The following MASP1 variants were observed in gnomAD, a reference collection of about 807,000 sequenced individuals.
The protein encoded by MASP1 is mannan-binding lectin serine protease 1.
A neutral mutation model predicts 77.1 loss-of-function variants in MASP1; 59 were observed. The observed-to-expected ratio is 0.77, with a 90% confidence interval of 0.62 to 0.95. MASP1 has a LOEUF of 0.95. MASP1 is among the 40% of genes least tolerant of loss of function. The pLI is 0.00. For missense variants in MASP1, 885 were observed against 912.9 expected (o/e 0.97, Z 0.39); for synonymous variants, 362 against 354.5 (o/e 1.02, Z -0.24).
At chr3:187,220,375 C>T in intron 15 of MASP1, 2 of 904,180 alleles carry the variant, frequency 2.2e-6, no homozygotes, top group South Asian at 1.6e-5. Context: ...CATAGCAGAC[C>T]GTTGGACCCA....
At chr3:187,282,358 A>G (rs765176361) in intron 2 of MASP1, among the ~76,000 whole-genome samples, 5 of 151,970 alleles carry the variant, frequency 3.3e-5, no homozygotes, top group Non-Finnish European at 5.9e-5. Context: ...TTAGTCAGGC[A>G]TGGTGGCATG....
chr3:187,270,823 T>C lies in MASP1; in HGVS notation c.238-8103A>G, dbSNP rs146055700. 4.3e-3 allele frequency among the ~76,000 whole-genome samples: 660 copies of C among 152,290 alleles called. 6 individuals carry two copies. Among genetic ancestry groups the C allele is most frequent in the African/African-American group, 0.015 (634 of 41,550 alleles). The stretch of plus-strand genomic sequence containing the variant: ...TCTAGACCAATTCACTGGCATTCAC[T>C]ATCAGCTACCAGATGAGAAACTAAG... On this transcript the variant is annotated intron_variant, in intron 2 of 10. Coordinates refer to ENST00000296280, the MANE Select transcript of MASP1 (RefSeq NM_139125.4).
At chr3:187,246,983 T>C (rs1347545224) in intron 8 of MASP1, 4 of 1,202,290 alleles carry the variant, frequency 3.3e-6, no homozygotes, top group Non-Finnish European at 4.2e-6. Flanking sequence ...CTGGTCAGCC[T>C]GAGGCCACAT....
Position 187,234,319 on chromosome 3 carries a change from GGA to G in MASP1, c.*1363_*1364del. On this transcript the variant is annotated 3_prime_UTR_variant, in exon 11 of 11. Transcript: ENST00000296280. ...TGCCTTGCTCTGATGGAGATTTTCAGGAGAGAGAGCTCCAGGGAGAAGGAGAA... is the reference window on the plus strand; with the variant it reads ...TGCCTTGCTCTGATGGAGATTTTCAGGAGAGAGCTCCAGGGAGAAGGAGAA... 1.6e-6 allele frequency: 2 copies of G among 1,287,216 alleles called. No homozygotes were observed. The highest frequency in any genetic ancestry group is 2.5e-5 in the South Asian group (2 of 80,930). The allele number at this position is 1,287,216 out of a possible 1,614,324, so 79.7% of individuals were successfully genotyped here. A position where few individuals can be genotyped will look rare whatever the true frequency, so the allele number is the denominator to read the frequency against.
In MASP1 at chr3:187,235,628, CG is replaced by C. The variant is rs1713087166; in HGVS notation, c.*55del. The C allele has an allele frequency of 6.2e-7, 1 of 1,608,610 alleles. No individual in the cohort carries two copies. Among genetic ancestry groups the C allele is most frequent in the African/African-American group, 1.3e-5 (1 of 75,018 alleles). On this transcript the variant is annotated 3_prime_UTR_variant, in exon 11 of 11. Coordinates refer to ENST00000296280, the MANE Select transcript of MASP1 (RefSeq NM_139125.4). ...TGATAAGTAATGTGGAGTGTGCTGT[CG>C]GAAGTGCGGTGTAGCTTCGCTCAGG...
intron 8 of MASP1, chr3:187,246,419 T>C: frequency 1.0e-6 from 1 of 985,446 alleles, no homozygotes; most frequent in Non-Finnish European, 1.2e-6. Flanking sequence ...CATCTCTTCT[T>C]TGGGTGGTGT....
intron 1 of MASP1, among the ~76,000 whole-genome samples, chr3:187,288,529 C>T (rs1373978639): frequency 1.3e-5 from 2 of 152,174 alleles, no homozygotes; most frequent in Non-Finnish European, 2.9e-5. Flanking sequence ...TAACGACTTC[C>T]CACAGCACTG....
chr3:187,235,915 G>A lies in MASP1; in HGVS notation c.1956C>T (p.Tyr652=), dbSNP rs1321550022. 2 of 1,614,238 alleles carry A rather than the reference G, an allele frequency of 1.2e-6. No homozygotes were observed. The highest frequency in any genetic ancestry group is 2.2e-5 in the East Asian group (1 of 44,888). Residue 652 remains tyrosine, a synonymous_variant, in exon 11 of 11, where the codon TAC becomes TAT. Transcript: ENST00000296280. ...SVTENMFCAG[Y]YEGGKDTCLG... is the part of the protein sequence containing the mutation. The stretch of plus-strand genomic sequence containing the variant: ...GGCACGTGTCTTTGCCGCCCTCGTA[G>A]TAGCCAGCACAGAACATGTTCTCCG...
chr3:187,274,965 G>T (rs1716843072), intron 2 of MASP1, among the ~76,000 whole-genome samples: 1 of 152,038 alleles, frequency 6.6e-6, no homozygotes, highest in Admixed American at 6.5e-5. Flanking sequence ...GCTGGGCTTG[G>T]GGGGTGGGGT....
At chr3:187,253,341 G>GAA in intron 5 of MASP1, 26 bp from the exon 6 acceptor site, 1 of 1,601,004 alleles carries the variant, frequency 6.2e-7, no homozygotes, top group South Asian at 1.1e-5. Flanking sequence ...GAGAGAGAGA[G>GAA]AAATAGAGTG....
intron 7 of MASP1, among the ~76,000 whole-genome samples, chr3:187,250,931 G>T (rs1714521069): frequency 1.3e-5 from 2 of 152,062 alleles, no homozygotes; most frequent in Admixed American, 1.3e-4. Context: ...TGCTTCTGGG[G>T]GTGGGAGAGT....
intron 2 of MASP1, among the ~76,000 whole-genome samples, chr3:187,263,634 C>T (rs1214530532): frequency 3.9e-5 from 6 of 152,178 alleles, no homozygotes; most frequent in Non-Finnish European, 1.5e-5. Context: ...AATACAGAAA[C>T]TATTTATTGG....
At chr3:187,283,104 T>C (rs939370998) in intron 2 of MASP1, among the ~76,000 whole-genome samples, 5 of 152,156 alleles carry the variant, frequency 3.3e-5, no homozygotes, top group East Asian at 1.9e-4. Context: ...CTGAATTCCA[T>C]GTAAGGGCCC....
chr3:187,290,483 CT>C (rs954217871), intron 1 of MASP1, among the ~76,000 whole-genome samples: 13 of 152,002 alleles, frequency 8.6e-5, no homozygotes, highest in Admixed American at 3.3e-4. Context: ...ACATAAATCA[CT>C]TTTTTTTGGA....
At position 187,262,652 on chromosome 3, in the gene MASP1, G is replaced by A. The variant is rs138583164; in HGVS notation, c.306C>T (p.Pro102=). 42 of 1,614,010 alleles carry A rather than the reference G, an allele frequency of 2.6e-5. No individual in the cohort carries two copies. Among genetic ancestry groups the A allele is most frequent in the African/African-American group, 1.5e-4 (11 of 74,914 alleles). The change falls in exon 3 of 11, where the codon CCC becomes CCT. Residue 102 remains proline (P), a synonymous_variant. Coordinates refer to ENST00000296280, the MANE Select transcript of MASP1 (RefSeq NM_139125.4). ...GRETTDTEQT[P]GQEVVLSPGS... ...CAGGGGAGAGGACCACCTCCTGGCC[G>A]GGAGTCTGCTCTGTGTCTGTGGTCT... is the stretch of plus-strand genomic sequence containing the variant.
At chr3:187,249,623 C>T (rs1421912451) in intron 8 of MASP1, among the ~76,000 whole-genome samples, 1 of 152,118 alleles carries the variant, frequency 6.6e-6, no homozygotes, top group Non-Finnish European at 1.5e-5. Context: ...ATTTTAAAAC[C>T]ACTGGCACAT....
intron 13 of MASP1, chr3:187,223,317 G>T: frequency 6.1e-6 from 5 of 824,562 alleles, no homozygotes; most frequent in Non-Finnish European, 1.0e-5. Context: ...CTCAGAGAAA[G>T]GTGGTGTGGT....
chr3:187,229,719 G>T (rs754210954), downstream of MASP1: 3 of 1,611,296 alleles, frequency 1.9e-6, no homozygotes, highest in Middle Eastern at 1.7e-4. Context: ...CAAGGAGGGG[G>T]TTCAGTTCCT....
At chr3:187,243,850 GTCAAC>G (rs1456419081) in intron 8 of MASP1, 4 of 584,256 alleles carry the variant, frequency 6.8e-6, no homozygotes, top group African/African-American at 3.7e-5. Context: ...CTACTGTGTG[GTCAAC>G]TCACCTGCCC....
Sources: gnomAD v4.1 joint callset for allele counts (sites outside exome capture counted in the v4.1 genomes callset) on GRCh38, gnomAD v4.1.1 for gene constraint, MANE v1.5 for transcripts, NCBI Gene and HGNC (gene_info 2026-07-23, HGNC 2026-07-21) for gene names.